CACNA1E: variants seen among roughly 807,000 people sequenced by gnomAD.
CACNA1E encodes the protein calcium voltage-gated channel subunit alpha1 E.
Under a neutral mutation model 259.2 loss-of-function variants are expected in CACNA1E, and 40 were observed. The observed-to-expected ratio is 0.15, with a 90% CI of 0.12 to 0.20. The LOEUF (loss-of-function observed/expected upper bound fraction) is 0.20, where lower values mean the gene tolerates loss of function less well. Among genes scored for constraint, CACNA1E ranks in the 10% least tolerant of loss-of-function variants. The pLI, the probability that CACNA1E is intolerant of heterozygous loss-of-function variation, is 1.00. For missense variants in CACNA1E, 1,874 were observed against 3,040.1 expected, an observed-to-expected ratio of 0.62 and a Z score of 9.02; for synonymous variants, 1,104 against 1,138.5, an observed-to-expected ratio of 0.97 and a Z score of 0.61.
chr1:181,325,891 C>T (rs2609484), intron 1 of CACNA1E, among the ~76,000 whole-genome samples: 4,555 of 152,200 alleles, frequency 0.03, 216 homozygotes, highest in African/African-American at 0.098. Context: ...CCTCCCAGGC[C>T]GCAGGGGACA....
intron 3 of CACNA1E, among the ~76,000 whole-genome samples, chr1:181,562,282 C>T (rs1399485642): frequency 6.6e-6 from 1 of 152,190 alleles, no homozygotes; most frequent in Non-Finnish European, 1.5e-5. Context: ...AACAGCTCTT[C>T]AAAACCATTG....
intron 6 of CACNA1E, among the ~76,000 whole-genome samples, chr1:181,641,388 G>T (rs751087450): frequency 6.6e-6 from 1 of 152,192 alleles, no homozygotes; most frequent in Non-Finnish European, 1.5e-5. Context: ...TGATCCTTCA[G>T]GTCTTACCTT....
At chr1:181,627,537 C>G (rs984871239) in intron 6 of CACNA1E, among the ~76,000 whole-genome samples, 1 of 152,058 alleles carries the variant, frequency 6.6e-6, no homozygotes, top group Non-Finnish European at 1.5e-5. Context: ...CAAAGTAGAG[C>G]CACTGCAGGG....
rs538724160 is a variant in CACNA1E, at chr1:181,458,358, A to G, written c.435-25386A>G. ...TCCCACAGTTTCCTATGCCCACCAGAAGGCAAAAACAGAGGAGGAAATAAG... is the reference window on the plus strand; with the variant it reads ...TCCCACAGTTTCCTATGCCCACCAGGAGGCAAAAACAGAGGAGGAAATAAG... On this transcript the variant is annotated intron_variant, in intron 2 of 11. Coordinates refer to the CACNA1E transcript ENST00000524607. Among the ~76,000 whole-genome samples the G allele has an allele frequency of 3.9e-5, 6 of 152,320 alleles. No homozygotes were observed. In the South Asian group the frequency reaches 1.0e-3, roughly 26 times the overall value.
intron 1 of CACNA1E, among the ~76,000 whole-genome samples, chr1:181,326,622 G>A (rs1365916801): frequency 1.3e-5 from 2 of 152,024 alleles, no homozygotes; most frequent in Non-Finnish European, 2.9e-5. Context: ...CCCTCCCTTT[G>A]CCTTGGCCAC....
chr1:181,559,139 G>A (rs1649048611), intron 3 of CACNA1E, among the ~76,000 whole-genome samples: 1 of 152,224 alleles, frequency 6.6e-6, no homozygotes, highest in South Asian at 2.1e-4. Context: ...GAATCTTGCA[G>A]GGCCTGGGAG....
At chr1:181,786,387 T>G (rs1267600884) in intron 43 of CACNA1E, among the ~76,000 whole-genome samples, 3 of 152,236 alleles carry the variant, frequency 2.0e-5, no homozygotes, top group African/African-American at 7.2e-5. Context: ...TGAGGTTAAC[T>G]ACGTTGCCTA....
intron 3 of CACNA1E, among the ~76,000 whole-genome samples, chr1:181,576,653 C>T (rs779372195): frequency 9.9e-5 from 15 of 152,174 alleles, no homozygotes; most frequent in Non-Finnish European, 1.6e-4. Context: ...TTTCTGAATG[C>T]CTCATTTCCT....
Position 181,798,422 on chromosome 1 carries a change from G to C in CACNA1E, c.6530G>C (p.Arg2177Pro). The C allele has an allele frequency of 1.9e-6, 3 of 1,613,586 alleles. No individual in the cohort carries two copies. Among genetic ancestry groups the C allele is most frequent in the Non-Finnish European group, 2.5e-6 (3 of 1,179,874 alleles). The change falls in exon 48 of 48, where the codon CGA (arginine) becomes CCA (proline). Residue 2177 changes from arginine (R) to proline (P), a missense_variant. Physicochemically the swap from Arg to Pro is moderately radical, Grantham distance 103. Around this residue, in one of 14 missense-constraint regions of CACNA1E, gnomAD observed 542 missense variants for 587.2 expected, o/e 0.92. Transcript: ENST00000367573. This position sits in a 1 kb window ranked among gnomAD's most constrained non-coding sequence, Gnocchi z 4.2. ...CTCCTTTCCTACAGCTCCCTGATTC[G>C]ACACGCGGGCAGCATCTCTCCACCT... Reference protein sequence around the residue: ...RPLLSYSSLIRHAGSISPPAD... With the variant: ...RPLLSYSSLIPHAGSISPPAD...
At chr1:181,608,897 CAG>C (rs1654482751) in intron 6 of CACNA1E, among the ~76,000 whole-genome samples, 1 of 152,206 alleles carries the variant, frequency 6.6e-6, no homozygotes, top group South Asian at 2.1e-4. Flanking sequence ...GAATGACCGT[CAG>C]AGGTTTCTGA....
At chr1:181,345,460 G>A (rs1652518663) in intron 1 of CACNA1E, among the ~76,000 whole-genome samples, 3 of 152,198 alleles carry the variant, frequency 2.0e-5, no homozygotes, top group African/African-American at 4.8e-5. Context: ...AGGGGGCTGC[G>A]CCTGGGGCAT....
intron 7 of CACNA1E, among the ~76,000 whole-genome samples, chr1:181,683,788 A>C (rs1029443689): frequency 3.3e-5 from 5 of 152,180 alleles, no homozygotes; most frequent in Middle Eastern, 3.2e-3. Context: ...TTGTGTCTGC[A>C]TACTATTCCA....
chr1:181,738,400 G>A lies in CACNA1E; in HGVS notation c.3586G>A (p.Val1196Met), dbSNP rs780295412. The A allele has an allele frequency of 3.7e-6, 6 of 1,613,868 alleles. No homozygotes were observed. Among genetic ancestry groups the A allele is most frequent in the South Asian group, 1.1e-5 (1 of 91,072 alleles). The change falls in exon 24 of 48, where the codon GTG becomes ATG. Residue 1196 changes from valine (V) to methionine (M), a missense_variant. Around this residue, in one of 14 missense-constraint regions of CACNA1E, gnomAD observed 188 missense variants for 540.6 expected, o/e 0.35. Transcript: ENST00000367573. Reference sequence around the variant, plus strand: ...GTATTTTGACTATGTGTTCACGGGCGTGTTCACCTTTGAGATGGTTATAAA... The same window carrying A: ...GTATTTTGACTATGTGTTCACGGGCATGTTCACCTTTGAGATGGTTATAAA... ...LRYFDYVFTG[V>M]FTFEMVIKMI...
At chr1:181,383,352 A>C (rs1655605344) in intron 1 of CACNA1E, among the ~76,000 whole-genome samples, 1 of 152,238 alleles carries the variant, frequency 6.6e-6, no homozygotes, top group Non-Finnish European at 1.5e-5. Flanking sequence ...TGGTAGGTGC[A>C]CAGAAAAATT....
At chr1:181,589,589 C>T (rs1476207643) in intron 6 of CACNA1E, among the ~76,000 whole-genome samples, 1 of 152,034 alleles carries the variant, frequency 6.6e-6, no homozygotes, top group African/African-American at 2.4e-5. Flanking sequence ...CTTGGTGGCT[C>T]ACACCTGTAG....
chr1:181,552,442 T>A (rs192650483), intron 3 of CACNA1E, among the ~76,000 whole-genome samples: 1 of 141,030 alleles, frequency 7.1e-6, no homozygotes, highest in African/African-American at 3.2e-5. Flanking sequence ...TATTCATAGC[T>A]TTTTTTTTCT....
intron 1 of CACNA1E, among the ~76,000 whole-genome samples, chr1:181,494,423 TCTCA>T (rs1298752317): frequency 4.6e-5 from 7 of 152,154 alleles, no homozygotes; most frequent in Non-Finnish European, 8.8e-5. Context: ...GTTAGTTTTC[TCTCA>T]CTCTGTTCTC....
intron 1 of CACNA1E, among the ~76,000 whole-genome samples, chr1:181,384,009 G>T (rs552107924): frequency 2.0e-5 from 3 of 152,206 alleles, no homozygotes; most frequent in Admixed American, 6.5e-5. Flanking sequence ...CTCACTGAGC[G>T]CTGGAAATGG....
intron 3 of CACNA1E, among the ~76,000 whole-genome samples, chr1:181,555,307 T>C (rs1446747130): frequency 6.6e-6 from 1 of 152,176 alleles, no homozygotes; most frequent in African/African-American, 2.4e-5. Context: ...AGAAACAGAA[T>C]TGCAGACTCC....
Sources: gnomAD v4.1 joint callset for allele counts (sites outside exome capture counted in the v4.1 genomes callset) on GRCh38, gnomAD v4.1.1 for gene constraint, gnomAD v4.1.1 regional missense constraint, Gnocchi (gnomAD v3.1) non-coding constraint, MANE v1.5 for transcripts, NCBI Gene and HGNC (gene_info 2026-07-23, HGNC 2026-07-21) for gene names.